Variants in PXDN observed in about 807,000 individuals in gnomAD.
PXDN encodes peroxidasin.
In PXDN, 77 loss-of-function variants were observed where a neutral mutation model predicts 140.3. The observed-to-expected ratio is 0.55, with a 90% CI of 0.46 to 0.66. The LOEUF is 0.66. Ranked by LOEUF, PXDN falls within the 30% of genes least tolerant of loss-of-function variation. The pLI, the probability that PXDN is intolerant of heterozygous loss-of-function variation, is 0.00. For synonymous variants in PXDN, 911 were observed against 857.4 expected, an observed-to-expected ratio of 1.06 and a Z score of -1.09; for missense variants, 1,838 against 2,039.5, an observed-to-expected ratio of 0.90 and a Z score of 1.90.
Position 1,651,093 on chromosome 2 carries a change from G to A in PXDN, c.2105-1418C>T, listed in dbSNP as rs1031464103. On this transcript the variant is annotated intron_variant, in intron 16 of 22. Transcript: ENST00000252804. This position sits in a 1 kb window ranked among gnomAD's most constrained non-coding sequence, Gnocchi z 4.4. ...CTCAGCCCCTGGTTCTGTTCTGTCT[G>A]ACTTTTCCCAGAGGCTGAAACAGTG... is the stretch of plus-strand genomic sequence containing the variant. 6.6e-6 allele frequency among the ~76,000 whole-genome samples: 1 copy of A among 152,098 alleles called. No homozygotes were observed. The highest frequency in any genetic ancestry group is 1.5e-5 in the Non-Finnish European group (1 of 68,014).
chr2:1,706,712 CGCTGCAG>C, intron 1 of PXDN, among the ~76,000 whole-genome samples: 1 of 88,902 alleles, frequency 1.1e-5, no homozygotes, highest in Non-Finnish European at 2.1e-5. Context: ...CCTGAGAGCA[CGCTGCAG>C]TGTTCACCAA....
rs114567681 is a variant in PXDN at position 1,731,928 on chromosome 2, T to G, written c.200+12328A>C. On this transcript the variant is annotated intron_variant, in intron 1 of 22. Coordinates refer to ENST00000252804, the MANE Select transcript of PXDN (RefSeq NM_012293.3). ...CACCAGGATTGAGTCATTTTCATCT[T>G]TTCTTAAATATGAGCTTGGGAATGT... is the stretch of plus-strand genomic sequence containing the variant. Among the ~76,000 whole-genome samples, 860 of 152,270 alleles carry G rather than the reference T, an allele frequency of 5.6e-3. 11 individuals carry two copies. The highest frequency in any genetic ancestry group is 0.02 in the African/African-American group (822 of 41,560).
rs141908915 is a variant in PXDN at position 1,736,526 on chromosome 2, A to G, written c.200+7730T>C. Among the ~76,000 whole-genome samples the G allele has an allele frequency of 1.4e-3, 220 of 152,288 alleles. 1 individual carries two copies. The highest frequency in any genetic ancestry group is 5.0e-3 in the African/African-American group (207 of 41,554). ...AACAATTACAATAGTAACATAAAAG[A>G]TCACTGATTACAAGCCAGCCACATG... On this transcript the variant is annotated intron_variant, in intron 1 of 22. Coordinates refer to ENST00000252804, the MANE Select transcript of PXDN (RefSeq NM_012293.3).
At position 1,687,604 on chromosome 2, in the gene PXDN, C is replaced by CTAAA; in HGVS notation, c.416+24_416+27dup. On this transcript the variant is annotated intron_variant, in intron 4 of 22. Coordinates refer to ENST00000252804, the MANE Select transcript of PXDN (RefSeq NM_012293.3). The surrounding 1 kb of genome is among the most constrained non-coding windows in gnomAD (Gnocchi z 4.0). ...AAAACAGCCAGACGGCATCCAAGAA[C>CTAAA]TAAAGCACGAAGAGAAGGGGCACTT... The CTAAA allele has an allele frequency of 2.7e-6, 4 of 1,461,532 alleles. No homozygotes were observed. The highest frequency in any genetic ancestry group is 3.8e-6 in the Non-Finnish European group (4 of 1,057,256). 90.5% of individuals were successfully genotyped at this position (1,461,532 alleles called of 1,614,324 possible).
At chr2:1,744,614 G>T, upstream of PXDN, 2 of 623,916 alleles carry the variant, frequency 3.2e-6, no homozygotes, top group Non-Finnish European at 4.5e-6. Context: ...CTGAATCCCC[G>T]AGGGCGGGGC....
chr2:1,697,657 C>A (rs1684329188), intron 1 of PXDN, among the ~76,000 whole-genome samples: 1 of 152,210 alleles, frequency 6.6e-6, no homozygotes, highest in Admixed American at 6.5e-5. Context: ...TGAAAGAGCA[C>A]TTCAACAAGC....
chr2:1,704,813 A>G (rs1349126624), intron 1 of PXDN, among the ~76,000 whole-genome samples: 1 of 152,124 alleles, frequency 6.6e-6, no homozygotes, highest in African/African-American at 2.4e-5. Context: ...TTTGAATACA[A>G]TGGGAGGCAG....
chr2:1,692,856 A>G (rs1188849344), intron 2 of PXDN, among the ~76,000 whole-genome samples: 1 of 152,208 alleles, frequency 6.6e-6, no homozygotes, highest in Non-Finnish European at 1.5e-5. Flanking sequence ...TGCCACAGAC[A>G]GGCACACAGC....
intron 7 of PXDN, among the ~76,000 whole-genome samples, chr2:1,679,882 G>T (rs1219291246): frequency 1.3e-5 from 2 of 149,350 alleles, no homozygotes; most frequent in Non-Finnish European, 3.0e-5. Flanking sequence ...CTGCATGTGT[G>T]TGTCTATAAA....
At chr2:1,637,374 C>A (rs570747561) in intron 21 of PXDN, among the ~76,000 whole-genome samples, 1 of 151,632 alleles carries the variant, frequency 6.6e-6, no homozygotes, top group Non-Finnish European at 1.5e-5. Context: ...CTCTAGGCTG[C>A]GGAGGGAGGA....
At chr2:1,650,740 A>G (rs1682997488) in intron 16 of PXDN, among the ~76,000 whole-genome samples, 1 of 151,954 alleles carries the variant, frequency 6.6e-6, no homozygotes, top group African/African-American at 2.4e-5. Flanking sequence ...ACATGCACAC[A>G]CTCACATGCA....
At chr2:1,673,284 T>G (rs1683618623) in intron 9 of PXDN, among the ~76,000 whole-genome samples, 1 of 152,078 alleles carries the variant, frequency 6.6e-6, no homozygotes, top group African/African-American at 2.4e-5. Flanking sequence ...CGTTACCACA[T>G]GGCAACAGCT....
intron 1 of PXDN, among the ~76,000 whole-genome samples, chr2:1,713,287 A>G (rs7566133): frequency 1 from 152,284 of 152,284 alleles, 76,142 homozygotes; most frequent in Non-Finnish European, 1. Flanking sequence ...ATCAATTACC[A>G]CAGAAGAAAG....
rs1404154313 is a variant in PXDN, at chr2:1,660,635, C to T, written c.1837+246G>A. 6.6e-6 allele frequency among the ~76,000 whole-genome samples: 1 copy of T among 152,064 alleles called. No homozygotes were observed. Among genetic ancestry groups the T allele is most frequent in the Non-Finnish European group, 1.5e-5 (1 of 68,004 alleles). On this transcript the variant is annotated intron_variant, in intron 14 of 22. Transcript: ENST00000252804. The surrounding 1 kb of genome is among the most constrained non-coding windows in gnomAD (Gnocchi z 4.6). ...GCAGGGTAAGACATTGCCCAGTGGACAGGCTGCAGGACAAAGCTCTGCCCC... is the reference window on the plus strand; with the variant it reads ...GCAGGGTAAGACATTGCCCAGTGGATAGGCTGCAGGACAAAGCTCTGCCCC...
chr2:1,648,166 G>A lies in PXDN; in HGVS notation c.3608+6C>T. 1.9e-6 allele frequency: 3 copies of A among 1,609,562 alleles called. No homozygotes were observed. Among genetic ancestry groups the A allele is most frequent in the Non-Finnish European group, 2.5e-6 (3 of 1,176,622 alleles). On this transcript the variant is annotated splice_donor_region_variant and intron_variant, in intron 17 of 22. Transcript: ENST00000252804. This position sits in a 1 kb window ranked among gnomAD's most constrained non-coding sequence, Gnocchi z 8.9. ...CGAGCCATCCCACACAGCCTCTTCA[G>A]CTCACCTTTTCAGTTTCTCCCGGAT... is the stretch of plus-strand genomic sequence containing the variant.
At position 1,648,611 on chromosome 2, in the gene PXDN, T is replaced by A. The variant is rs771386928; in HGVS notation, c.3169A>T (p.Ile1057Phe). The change falls in exon 17 of 23, where the codon ATC becomes TTC. Residue 1057 changes from isoleucine (I) to phenylalanine (F), a missense_variant. By Grantham distance (21) the Ile-to-Phe change is conservative. Around this residue, in one of 5 missense-constraint regions of PXDN, gnomAD observed 850 missense variants for 894.1 expected, o/e 0.95. Transcript: ENST00000252804. The surrounding 1 kb of genome is among the most constrained non-coding windows in gnomAD (Gnocchi z 8.9). ...AAGGCGTTGAAGATGCCAGCATTGA[T>A]GCCGGGGTCGTAGCCGTGGTACTCT... ...LGEYHGYDPG[I>F]NAGIFNAFAT... 3 of 1,613,122 alleles carry A rather than the reference T, an allele frequency of 1.9e-6. No homozygotes were observed. The East Asian group carries it at 6.7e-5, about 36-fold the overall frequency.
At chr2:1,643,627 G>C (rs1682781130) in intron 18 of PXDN, 51 bp from the exon 19 acceptor site, 1 of 1,590,552 alleles carries the variant, frequency 6.3e-7, no homozygotes, top group African/African-American at 1.3e-5. Context: ...GAGACTCACA[G>C]GTCACTAGGA....
intron 16 of PXDN, among the ~76,000 whole-genome samples, chr2:1,650,076 C>T (rs1184447890): frequency 6.6e-6 from 1 of 152,204 alleles, no homozygotes; most frequent in African/African-American, 2.4e-5. Flanking sequence ...CACCACACCT[C>T]CACACGAGTG....
intron 1 of PXDN, among the ~76,000 whole-genome samples, chr2:1,705,783 C>G (rs1684588028): frequency 6.6e-6 from 1 of 151,546 alleles, no homozygotes; most frequent in Non-Finnish European, 1.5e-5. Context: ...ATGCAGGGTG[C>G]AGCTCCCCAC....
Sources: allele counts gnomAD v4.1 joint callset (sites outside exome capture counted in the v4.1 genomes callset), GRCh38; gene constraint gnomAD v4.1.1; regional missense constraint gnomAD v4.1.1; non-coding constraint Gnocchi (gnomAD v3.1); transcripts MANE v1.5; gene names NCBI Gene and HGNC (gene_info 2026-07-23, HGNC 2026-07-21).